Variants in KCNT2 observed in about 807,000 individuals in gnomAD.
The protein encoded by KCNT2 is potassium channel subfamily T member 2.
KCNT2 carries 67 observed loss-of-function variants against 153.8 expected under a neutral mutation model. The ratio of observed to expected loss-of-function variants is 0.44; its 90% CI spans 0.36 to 0.53. The LOEUF is 0.53. Among genes scored for constraint, KCNT2 ranks in the 20% least tolerant of loss-of-function variants. The probability of loss-of-function intolerance (pLI) is 0.00; values close to 1 mark genes in which losing one functional copy is unlikely to be tolerated. For synonymous variants in KCNT2, 500 were observed against 458.8 expected (o/e 1.09, Z -1.15); for missense variants, 975 against 1,354.8 (o/e 0.72, Z 4.40).
chr1:196,458,502 T>A (rs1055257923), intron 8 of KCNT2, among the ~76,000 whole-genome samples: 5 of 151,922 alleles, frequency 3.3e-5, no homozygotes, highest in Non-Finnish European at 7.4e-5. Flanking sequence ...GAATACAAAC[T>A]CTTATGTTAC....
At chr1:196,435,123 A>ATGTGTG (rs1315977011) in intron 8 of KCNT2, among the ~76,000 whole-genome samples, 1 of 70,636 alleles carries the variant, frequency 1.4e-5, no homozygotes, top group Non-Finnish European at 3.2e-5. Context: ...ATAGATACTT[A>ATGTGTG]TGTGTGTGTG....
intron 1 of KCNT2, among the ~76,000 whole-genome samples, chr1:196,523,171 A>G (rs1653705485): frequency 6.6e-6 from 1 of 152,086 alleles, no homozygotes; most frequent in Non-Finnish European, 1.5e-5. Context: ...CACCTTTAAG[A>G]GCTATAACAC....
At chr1:196,427,118 G>C (rs1558276909) in intron 10 of KCNT2, among the ~76,000 whole-genome samples, 1 of 151,876 alleles carries the variant, frequency 6.6e-6, no homozygotes, top group Admixed American at 6.6e-5. Context: ...GTTATGATAA[G>C]TAAGCTTGAA....
At chr1:196,265,585 C>T (rs1159823950) in intron 25 of KCNT2, among the ~76,000 whole-genome samples, 1 of 152,170 alleles carries the variant, frequency 6.6e-6, no homozygotes, top group East Asian at 1.9e-4. Flanking sequence ...CCCCATTCTA[C>T]AGTGTGTCCT....
chr1:196,474,762 G>T (rs923525919), intron 5 of KCNT2, among the ~76,000 whole-genome samples: 1 of 152,128 alleles, frequency 6.6e-6, no homozygotes, highest in Non-Finnish European at 1.5e-5. Context: ...GAATTAGAGG[G>T]TATTTATGAT....
intron 1 of KCNT2, among the ~76,000 whole-genome samples, chr1:196,549,005 T>C (rs1487295017): frequency 1.1e-5 from 1 of 95,162 alleles, no homozygotes; most frequent in Admixed American, 1.3e-4. Context: ...GGGACTGTTG[T>C]GGGGTGGGGG....
chr1:196,537,817 C>A (rs1200982334), intron 1 of KCNT2, among the ~76,000 whole-genome samples: 1 of 152,166 alleles, frequency 6.6e-6, no homozygotes, highest in Non-Finnish European at 1.5e-5. Flanking sequence ...GTGAGTGTGT[C>A]ACTCGTTGGG....
At chr1:196,435,073 T>C (rs1402866764) in intron 8 of KCNT2, among the ~76,000 whole-genome samples, 1 of 148,284 alleles carries the variant, frequency 6.7e-6, no homozygotes, top group Non-Finnish European at 1.5e-5. Flanking sequence ...CAACTGGCTA[T>C]TTTAAGCCAC....
intron 1 of KCNT2, among the ~76,000 whole-genome samples, chr1:196,599,663 T>C (rs985476646): frequency 7.9e-5 from 12 of 152,194 alleles, no homozygotes; most frequent in Non-Finnish European, 1.6e-4. Flanking sequence ...GAGTTGGAGA[T>C]GTGCTGCCAG....
chr1:196,378,561 A>G (rs2148355002), intron 13 of KCNT2, among the ~76,000 whole-genome samples: 1 of 151,878 alleles, frequency 6.6e-6, no homozygotes, highest in East Asian at 2.0e-4. Context: ...GCTAATAGAC[A>G]TACTAAAAAG....
chr1:196,305,464 A>G, intron 21 of KCNT2, 119 bp from the exon 22 acceptor site: 1 of 596,366 alleles, frequency 1.7e-6, no homozygotes, highest in Non-Finnish European at 3.0e-6. Context: ...CAATTACAAC[A>G]GCAGGCAGTG....
intron 8 of KCNT2, among the ~76,000 whole-genome samples, chr1:196,435,139 G>GTATATATATATATATATA (rs1166021273): frequency 8.8e-5 from 4 of 45,708 alleles, no homozygotes; most frequent in South Asian, 1.0e-3. Flanking sequence ...GTGTGTGTAT[G>GTATATATATATATATATA]TATATATATA....
At chr1:196,598,236 C>T (rs1219429524) in intron 1 of KCNT2, among the ~76,000 whole-genome samples, 3 of 152,024 alleles carry the variant, frequency 2.0e-5, no homozygotes, top group Non-Finnish European at 4.4e-5. Flanking sequence ...TATTCACTTG[C>T]TTTTTCATAT....
intron 19 of KCNT2, among the ~76,000 whole-genome samples, chr1:196,321,311 G>T (rs1469236435): frequency 1.3e-5 from 2 of 151,872 alleles, no homozygotes; most frequent in East Asian, 3.9e-4. Flanking sequence ...GGCAACACTG[G>T]GCTGTTGCGG....
At chr1:196,370,029 C>T (rs1004085631) in intron 14 of KCNT2, among the ~76,000 whole-genome samples, 20 of 152,038 alleles carry the variant, frequency 1.3e-4, no homozygotes, top group Non-Finnish European at 2.4e-4. Flanking sequence ...GATACCATCT[C>T]ACACCAGTTA....
intron 8 of KCNT2, among the ~76,000 whole-genome samples, chr1:196,457,124 T>A (rs1332957923): frequency 6.6e-6 from 1 of 151,882 alleles, no homozygotes; most frequent in African/African-American, 2.4e-5. Context: ...TTCTCAAGGC[T>A]GTCTGAAGAT....
chr1:196,417,035 T>C (rs1438788777), intron 12 of KCNT2, among the ~76,000 whole-genome samples: 1 of 152,100 alleles, frequency 6.6e-6, no homozygotes, highest in Non-Finnish European at 1.5e-5. Flanking sequence ...GTCTGACTTA[T>C]TTCACTTAAC....
At chr1:196,469,371 A>C (rs1677887460) in intron 5 of KCNT2, among the ~76,000 whole-genome samples, 1 of 152,206 alleles carries the variant, frequency 6.6e-6, no homozygotes. Flanking sequence ...AAAACACATT[A>C]ACAAAACCTA....
chr1:196,294,462 G>A (rs1660495988), intron 22 of KCNT2, among the ~76,000 whole-genome samples: 1 of 151,990 alleles, frequency 6.6e-6, no homozygotes, highest in Non-Finnish European at 1.5e-5. Flanking sequence ...TTTTAGTAGA[G>A]ACAGGGTTTC....
Sources: allele counts gnomAD v4.1 joint callset (sites outside exome capture counted in the v4.1 genomes callset), GRCh38; gene constraint gnomAD v4.1.1; transcripts MANE v1.5; gene names NCBI Gene and HGNC (gene_info 2026-07-23, HGNC 2026-07-21).